STAT4: variants seen among roughly 807,000 people sequenced by gnomAD.
STAT4 encodes the protein signal transducer and activator of transcription 4.
Under a neutral mutation model 110.5 loss-of-function variants are expected in STAT4, and 42 were observed. The observed-to-expected ratio is 0.38, with a 90% CI of 0.30 to 0.49. The LOEUF is 0.49. Ranked by LOEUF, STAT4 falls within the 20% of genes least tolerant of loss-of-function variation. STAT4 has a pLI of 0.95. For synonymous variants in STAT4, 284 were observed against 302.2 expected, an observed-to-expected ratio of 0.94 and a Z score of 0.63; for missense variants, 632 against 887.9, an observed-to-expected ratio of 0.71 and a Z score of 3.66.
At position 191,059,950 on chromosome 2, in the gene STAT4, G is replaced by C. The variant is rs1696805230; in HGVS notation, c.1035-1181C>G. Among the ~76,000 whole-genome samples, 1 of 152,194 alleles carries C rather than the reference G, an allele frequency of 6.6e-6. No homozygotes were observed. The highest frequency in any genetic ancestry group is 1.5e-5 in the Non-Finnish European group (1 of 68,028). On this transcript the variant is annotated intron_variant, in intron 10 of 23. Coordinates refer to ENST00000392320, the MANE Select transcript of STAT4 (RefSeq NM_003151.4). This position sits in a 1 kb window ranked among gnomAD's most constrained non-coding sequence, Gnocchi z 4.7. ...CTGATTCACTGCAAGATGCTGACAA[G>C]TGCCATGGAGTCCAAGGTCATTCTT...
chr2:191,100,444 G>A (rs896114078), intron 3 of STAT4, among the ~76,000 whole-genome samples: 1 of 152,136 alleles, frequency 6.6e-6, no homozygotes, highest in Non-Finnish European at 1.5e-5. Context: ...GAGTCATACC[G>A]CAAAGTAGTC....
At chr2:191,067,334 C>T (rs1190388627) in intron 6 of STAT4, among the ~76,000 whole-genome samples, 1 of 152,054 alleles carries the variant, frequency 6.6e-6, no homozygotes, top group Non-Finnish European at 1.5e-5. Flanking sequence ...GTGAAGTGCT[C>T]GGAAGCTCCC....
At chr2:191,036,823 C>T (rs1696058744) in intron 16 of STAT4, among the ~76,000 whole-genome samples, 1 of 152,214 alleles carries the variant, frequency 6.6e-6, no homozygotes, top group Non-Finnish European at 1.5e-5. Context: ...TATTTGCCAC[C>T]AGTAACAATT....
Position 191,039,206 on chromosome 2 carries a change from T to C in STAT4, c.1427A>G (p.Asp476Gly), listed in dbSNP as rs1327713544. ...GGTAGAAATAGAGTCTACCTGGGAA[T>C]CGTTGGTTGACACGTTGTACCAAAT... Reference protein sequence around the residue: ...SIIWYNVSTNDSQNLVFFNNP... With the variant: ...SIIWYNVSTNGSQNLVFFNNP... Residue 476 changes from aspartate to glycine, a missense_variant, in exon 16 of 24, where the codon GAT (aspartate) becomes GGT (glycine). Coordinates refer to ENST00000392320, the MANE Select transcript of STAT4 (RefSeq NM_003151.4). This position sits in a 1 kb window ranked among gnomAD's most constrained non-coding sequence, Gnocchi z 4.7. 1.9e-6 allele frequency: 3 copies of C among 1,614,090 alleles called. No homozygotes were observed. The highest frequency in any genetic ancestry group is 1.7e-5 in the Admixed American group (1 of 60,024).
chr2:191,134,470 A>AC (rs1699125229), intron 3 of STAT4, among the ~76,000 whole-genome samples: 1 of 152,102 alleles, frequency 6.6e-6, no homozygotes, highest in Non-Finnish European at 1.5e-5. Context: ...CACTGCTGCC[A>AC]CCCCTGGGGC....
chr2:191,140,607 A>T lies in STAT4; in HGVS notation c.273+6006T>A, dbSNP rs912763443. Among the ~76,000 whole-genome samples, 5 of 152,224 alleles carry T rather than the reference A, an allele frequency of 3.3e-5. No homozygotes were observed. The highest frequency in any genetic ancestry group is 2.0e-4 in the Admixed American group (3 of 15,288). On this transcript the variant is annotated intron_variant, in intron 3 of 23. Coordinates refer to ENST00000392320, the MANE Select transcript of STAT4 (RefSeq NM_003151.4). This position sits in a 1 kb window ranked among gnomAD's most constrained non-coding sequence, Gnocchi z 4.4. Reference sequence around the variant, plus strand: ...CAAAAACCAATAGACGCTGGCATGGATGTAGTGAAAAGGGAACACTGTTAG... The same window carrying T: ...CAAAAACCAATAGACGCTGGCATGGTTGTAGTGAAAAGGGAACACTGTTAG...
At chr2:191,122,630 A>T (rs1169513793) in intron 3 of STAT4, among the ~76,000 whole-genome samples, 1 of 152,260 alleles carries the variant, frequency 6.6e-6, no homozygotes, top group Non-Finnish European at 1.5e-5. Flanking sequence ...AGAATGAATA[A>T]ATAAATTGTA....
chr2:191,050,198 C>CA lies in STAT4; in HGVS notation c.1251+4291dup, dbSNP rs1218585841. On this transcript the variant is annotated intron_variant, in intron 14 of 23. Coordinates refer to ENST00000392320, the MANE Select transcript of STAT4 (RefSeq NM_003151.4). This position sits in a 1 kb window ranked among gnomAD's most constrained non-coding sequence, Gnocchi z 4.3. ...AAACTGCAATTCCAGCTTCTCTATTCAAACAGTTTTCACATTTCAATAATC... is the reference window on the plus strand; with the variant it reads ...AAACTGCAATTCCAGCTTCTCTATTCAAAACAGTTTTCACATTTCAATAATC... 6.6e-6 allele frequency among the ~76,000 whole-genome samples: 1 copy of CA among 152,162 alleles called. No homozygotes were observed. The highest frequency in any genetic ancestry group is 1.5e-5 in the Non-Finnish European group (1 of 68,026).
At chr2:191,036,910 A>G (rs1040399190) in intron 16 of STAT4, among the ~76,000 whole-genome samples, 6 of 152,196 alleles carry the variant, frequency 3.9e-5, no homozygotes, top group Non-Finnish European at 8.8e-5. Flanking sequence ...AACATAAAAT[A>G]TCATCTCATC....
In STAT4 at chr2:191,053,737, A is replaced by T. The variant is rs1696595647; in HGVS notation, c.1251+753T>A. Reference sequence around the variant, plus strand: ...TGAAGAATGACAAAGATATTTCTTGATAATGGACTGACTAAAGAAACTATG... The same window carrying T: ...TGAAGAATGACAAAGATATTTCTTGTTAATGGACTGACTAAAGAAACTATG... On this transcript the variant is annotated intron_variant, in intron 14 of 23. Coordinates refer to ENST00000392320, the MANE Select transcript of STAT4 (RefSeq NM_003151.4). This position sits in a 1 kb window ranked among gnomAD's most constrained non-coding sequence, Gnocchi z 4.5. Among the ~76,000 whole-genome samples, 1 of 152,258 alleles carries T rather than the reference A, an allele frequency of 6.6e-6. No homozygotes were observed. Among genetic ancestry groups the T allele is most frequent in the Non-Finnish European group, 1.5e-5 (1 of 68,046 alleles).
chr2:191,103,825 C>T (rs919007692), intron 3 of STAT4, among the ~76,000 whole-genome samples: 1 of 152,140 alleles, frequency 6.6e-6, no homozygotes, highest in African/African-American at 2.4e-5. Context: ...TAAAAAGTCT[C>T]ATTGAGCTAC....
At position 191,082,641 on chromosome 2, in the gene STAT4, A is replaced by G. The variant is rs1697517550; in HGVS notation, c.274-6316T>C. Among the ~76,000 whole-genome samples, 1 of 152,234 alleles carries G rather than the reference A, an allele frequency of 6.6e-6. No homozygotes were observed. The highest frequency in any genetic ancestry group is 1.5e-5 in the Non-Finnish European group (1 of 68,042). ...TTTATTCTTTTTGCTACTTTATGCTAAATTTCTTGGCTTTCCTTCAAATTC... is the reference window on the plus strand; with the variant it reads ...TTTATTCTTTTTGCTACTTTATGCTGAATTTCTTGGCTTTCCTTCAAATTC... On this transcript the variant is annotated intron_variant, in intron 3 of 23. Coordinates refer to ENST00000392320, the MANE Select transcript of STAT4 (RefSeq NM_003151.4). This position sits in a 1 kb window ranked among gnomAD's most constrained non-coding sequence, Gnocchi z 4.7.
At chr2:191,081,214 G>A (rs1697465363) in intron 3 of STAT4, among the ~76,000 whole-genome samples, 1 of 152,136 alleles carries the variant, frequency 6.6e-6, no homozygotes, top group South Asian at 2.1e-4. Context: ...GTGTATATGT[G>A]CCAAATTTTC....
At chr2:191,100,005 A>G (rs1698111671) in intron 3 of STAT4, among the ~76,000 whole-genome samples, 1 of 152,130 alleles carries the variant, frequency 6.6e-6, no homozygotes. Context: ...GATTTGCATT[A>G]TTTAAGCAAT....
intron 3 of STAT4, among the ~76,000 whole-genome samples, chr2:191,095,849 C>G (rs1265347733): frequency 6.6e-6 from 1 of 151,870 alleles, no homozygotes; most frequent in Non-Finnish European, 1.5e-5. Context: ...TTGAAAAGAT[C>G]AACAAAATTG....
chr2:191,052,044 T>C (rs1414965404), intron 14 of STAT4, among the ~76,000 whole-genome samples: 2 of 152,198 alleles, frequency 1.3e-5, no homozygotes, highest in East Asian at 1.9e-4. Context: ...AGATAAGCAA[T>C]AGCAACTTTT....
At chr2:191,136,690 G>A (rs1172468175) in intron 3 of STAT4, among the ~76,000 whole-genome samples, 2 of 151,000 alleles carry the variant, frequency 1.3e-5, no homozygotes, top group Non-Finnish European at 2.9e-5. Context: ...GGCGCAGGTT[G>A]CAGTGGGCCA....
rs1487829433 is a variant in STAT4 at position 191,113,251 on chromosome 2, A to G, written c.273+33362T>C. On this transcript the variant is annotated intron_variant, in intron 3 of 23. Coordinates refer to ENST00000392320, the MANE Select transcript of STAT4 (RefSeq NM_003151.4). The surrounding 1 kb of genome is among the most constrained non-coding windows in gnomAD (Gnocchi z 4.8). The stretch of plus-strand genomic sequence containing the variant: ...TTTGTACTGAACAGCAATTATTGCC[A>G]GGCACTGATCTCACTGCTGTGAGTA... Among the ~76,000 whole-genome samples, 3 of 152,244 alleles carry G rather than the reference A, an allele frequency of 2.0e-5. No individual in the cohort carries two copies. The highest frequency in any genetic ancestry group is 7.2e-5 in the African/African-American group (3 of 41,458).
intron 3 of STAT4, among the ~76,000 whole-genome samples, chr2:191,100,443 C>T (rs1213248380): frequency 3.9e-5 from 6 of 152,148 alleles, no homozygotes; most frequent in African/African-American, 1.2e-4. Flanking sequence ...AGAGTCATAC[C>T]GCAAAGTAGT....
Sources: gnomAD v4.1 joint callset for allele counts (sites outside exome capture counted in the v4.1 genomes callset) on GRCh38, gnomAD v4.1.1 for gene constraint, Gnocchi (gnomAD v3.1) non-coding constraint, MANE v1.5 for transcripts, NCBI Gene and HGNC (gene_info 2026-07-23, HGNC 2026-07-21) for gene names.